Variants in GDPD4 observed in about 807,000 individuals in gnomAD.
GDPD4 encodes glycerophosphodiester phosphodiesterase 6.
In GDPD4, 60 loss-of-function variants were observed where a neutral mutation model predicts 67.8. The ratio of observed to expected loss-of-function variants is 0.88; its 90% CI spans 0.72 to 1.10. The LOEUF (loss-of-function observed/expected upper bound fraction) is 1.10. GDPD4 is among the 50% of genes least tolerant of loss of function. The pLI, the probability that GDPD4 is intolerant of heterozygous loss-of-function variation, is 0.00. For missense variants in GDPD4, 623 were observed against 613.9 expected (o/e 1.01, Z -0.16); for synonymous variants, 212 against 210.9 (o/e 1.00, Z -0.04).
chr11:77,218,121 G>A (rs1294980705), intron 16 of GDPD4, among the ~76,000 whole-genome samples: 2 of 151,338 alleles, frequency 1.3e-5, no homozygotes, highest in Non-Finnish European at 2.9e-5. Flanking sequence ...AGCTTTATAG[G>A]AGAAAGGGAA....
intron 13 of GDPD4, among the ~76,000 whole-genome samples, chr11:77,235,790 C>T (rs1296374745): frequency 1.3e-5 from 2 of 151,806 alleles, no homozygotes; most frequent in Admixed American, 6.6e-5. Context: ...CCTGTCTGTA[C>T]AAAAAAATTT....
In GDPD4 at chr11:77,217,268, T is replaced by C; in HGVS notation, c.*9A>G. ...AGGAGGTTTCATGGCTATGTGCAAATCTATCTATCTATCTATCTTCCTCAT... is the reference window on the plus strand; with the variant it reads ...AGGAGGTTTCATGGCTATGTGCAAACCTATCTATCTATCTATCTTCCTCAT... On this transcript the variant is annotated 3_prime_UTR_variant, in exon 17 of 17. Transcript: ENST00000315938. 1 of 1,555,048 alleles carries C rather than the reference T, an allele frequency of 6.4e-7. No homozygotes were observed. Among genetic ancestry groups the C allele is most frequent in the Non-Finnish European group, 8.9e-7 (1 of 1,126,798 alleles).
chr11:77,235,018 T>G (rs1454382802), intron 13 of GDPD4, among the ~76,000 whole-genome samples: 5 of 129,232 alleles, frequency 3.9e-5, no homozygotes, highest in Middle Eastern at 7.3e-3. Flanking sequence ...TGTTTTTTTT[T>G]TTTTTTTTTT....
intron 4 of GDPD4, among the ~76,000 whole-genome samples, chr11:77,277,933 G>A (rs1472635696): frequency 6.6e-6 from 1 of 151,686 alleles, no homozygotes; most frequent in Non-Finnish European, 1.5e-5. Flanking sequence ...CTGGTATGTT[G>A]TGTCTTTGTT....
At chr11:77,219,629 T>C (rs1294030739) in intron 16 of GDPD4, among the ~76,000 whole-genome samples, 1 of 152,220 alleles carries the variant, frequency 6.6e-6, no homozygotes, top group African/African-American at 2.4e-5. Context: ...ATTTATTAAA[T>C]AGGGAATCCT....
At chr11:77,293,589 C>CA (rs35700863) in intron 1 of GDPD4, among the ~76,000 whole-genome samples, 187 of 139,610 alleles carry the variant, frequency 1.3e-3, no homozygotes, top group South Asian at 2.6e-3. Flanking sequence ...GACCTTGTCT[C>CA]AAAAAAAAAA....
intron 1 of GDPD4, among the ~76,000 whole-genome samples, chr11:77,292,510 T>C (rs748074632): frequency 2.0e-5 from 3 of 151,906 alleles, no homozygotes; most frequent in Admixed American, 1.3e-4. Flanking sequence ...AGAACAAAGA[T>C]CTCAAAATCA....
intron 10 of GDPD4, among the ~76,000 whole-genome samples, chr11:77,259,808 A>C (rs549675782): frequency 6.6e-6 from 1 of 152,244 alleles, no homozygotes; most frequent in Admixed American, 6.5e-5. Flanking sequence ...GCAAAAGTCC[A>C]TAAGTGTATG....
rs766039759 is a variant in GDPD4 at position 77,243,687 on chromosome 11, CACTT to C, written c.1241+3_1241+6del. The stretch of plus-strand genomic sequence containing the variant: ...ATGTGCCAAGAGAGGTGTGGTCAAA[CACTT>C]ACCTTAACCCATTAGGGAACAACTT... On this transcript the variant is annotated splice_donor_5th_base_variant and intron_variant, in intron 13 of 16. Coordinates refer to ENST00000315938, the MANE Select transcript of GDPD4 (RefSeq NM_182833.3). The C allele has an allele frequency of 2.5e-6, 4 of 1,609,240 alleles. No individual in the cohort carries two copies. Among genetic ancestry groups the C allele is most frequent in the Admixed American group, 1.7e-5 (1 of 59,978 alleles).
chr11:77,245,120 C>T (rs890287623), intron 12 of GDPD4, among the ~76,000 whole-genome samples, 161 bp downstream of exon 12: 6 of 152,174 alleles, frequency 3.9e-5, no homozygotes, highest in African/African-American at 7.2e-5. Context: ...TCCTAGATTA[C>T]CACATGTAGC....
At chr11:77,259,616 C>A (rs965422962) in intron 10 of GDPD4, among the ~76,000 whole-genome samples, 1 of 151,068 alleles carries the variant, frequency 6.6e-6, no homozygotes, top group Admixed American at 6.6e-5. Flanking sequence ...GGCTTCTTTC[C>A]TGCAGGTGAA....
intron 3 of GDPD4, among the ~76,000 whole-genome samples, chr11:77,279,858 GT>G (rs1959676746): frequency 6.6e-6 from 1 of 151,792 alleles, no homozygotes; most frequent in Non-Finnish European, 1.5e-5. Flanking sequence ...TGTTCCTAAT[GT>G]AGCATATGAG....
chr11:77,277,268 C>A (rs1959515953), intron 4 of GDPD4, among the ~76,000 whole-genome samples: 1 of 151,818 alleles, frequency 6.6e-6, no homozygotes, highest in South Asian at 2.1e-4. Context: ...TGCCCATAGC[C>A]ACCCTCCAAA....
chr11:77,246,071 G>A (rs1033807546), intron 11 of GDPD4, among the ~76,000 whole-genome samples: 22 of 152,172 alleles, frequency 1.4e-4, no homozygotes, highest in Admixed American at 5.2e-4. Flanking sequence ...TATCACTTGA[G>A]GCCAGGAGTT....
At chr11:77,295,226 GATCT>G (rs1937914973) in intron 1 of GDPD4, among the ~76,000 whole-genome samples, 1 of 151,384 alleles carries the variant, frequency 6.6e-6, no homozygotes, top group Non-Finnish European at 1.5e-5. Flanking sequence ...GACCTCAAAG[GATCT>G]GCCCGCCTCA....
intron 1 of GDPD4, among the ~76,000 whole-genome samples, chr11:77,295,405 G>A (rs964183856): frequency 1.3e-5 from 2 of 152,074 alleles, no homozygotes; most frequent in Non-Finnish European, 2.9e-5. Flanking sequence ...GCTGAGGCTA[G>A]AGGATCACTT....
intron 3 of GDPD4, 23 bp downstream of exon 3, chr11:77,285,062 A>C (rs1318844097): frequency 6.3e-7 from 1 of 1,579,832 alleles, no homozygotes; most frequent in Non-Finnish European, 8.7e-7. Flanking sequence ...TACACAAATG[A>C]AACTACAAAA....
chr11:77,222,853 C>G (rs1958254309), intron 16 of GDPD4, among the ~76,000 whole-genome samples: 1 of 152,234 alleles, frequency 6.6e-6, no homozygotes, highest in African/African-American at 2.4e-5. Context: ...TTCTCCCCGT[C>G]ACTTTCAGGT....
At chr11:77,242,033 C>G (rs1958677701) in intron 13 of GDPD4, among the ~76,000 whole-genome samples, 1 of 151,850 alleles carries the variant, frequency 6.6e-6, no homozygotes, top group Non-Finnish European at 1.5e-5. Flanking sequence ...TGTTGGTTAC[C>G]AAAGGGTTGA....
Sources: gnomAD v4.1 joint callset for allele counts (sites outside exome capture counted in the v4.1 genomes callset) on GRCh38, gnomAD v4.1.1 for gene constraint, MANE v1.5 for transcripts, NCBI Gene and HGNC (gene_info 2026-07-23, HGNC 2026-07-21) for gene names.